MED15: variants seen among roughly 807,000 people sequenced by gnomAD.
MED15 encodes mediator of RNA polymerase II transcription subunit 15.
MED15 carries 41 observed loss-of-function variants against 118.7 expected under a neutral mutation model. The observed-to-expected ratio is 0.35, with a 90% CI of 0.27 to 0.45. The LOEUF is 0.45. MED15 is among the 20% of genes least tolerant of loss of function. The pLI is 1.00. For missense variants in MED15, 740 were observed against 1,025.5 expected, an observed-to-expected ratio of 0.72 and a Z score of 3.80; for synonymous variants, 436 against 413.9, an observed-to-expected ratio of 1.05 and a Z score of -0.65.
At position 20,584,988 on chromosome 22, in the gene MED15, T is replaced by C; in HGVS notation, c.1937T>C (p.Met646Thr). The change falls in exon 15 of 18, where the codon ATG (methionine) becomes ACG (threonine). Residue 646 changes from methionine (M) to threonine (T), a missense_variant. Met to Thr is a moderately conservative substitution (Grantham distance 81, BLOSUM62 -1). This residue lies in a region of MED15 where 179 missense variants were observed against 259.0 expected (regional missense o/e 0.69). Coordinates refer to ENST00000263205, the MANE Select transcript of MED15 (RefSeq NM_001003891.3). ...HSLYRTFVPAMTAIHGPPITA... is the reference protein window; with the variant it reads ...HSLYRTFVPATTAIHGPPITA... ...CTGTACCGCACATTCGTTCCAGCCA[T>C]GACCGCCATTCACGGCCCACCCATC... The C allele has an allele frequency of 6.2e-7, 1 of 1,614,020 alleles. No homozygotes were observed. Among genetic ancestry groups the C allele is most frequent in the Non-Finnish European group, 8.5e-7 (1 of 1,180,016 alleles).
At chr22:20,586,253 C>T (rs747333955) in intron 17 of MED15, among the ~76,000 whole-genome samples, 10 of 152,164 alleles carry the variant, frequency 6.6e-5, no homozygotes, top group Non-Finnish European at 1.3e-4. Flanking sequence ...GAGAGAACCA[C>T]GGTGGCAGGG....
chr22:20,571,917 G>A (rs1233334659), intron 8 of MED15, among the ~76,000 whole-genome samples: 3 of 152,210 alleles, frequency 2.0e-5, no homozygotes, highest in Non-Finnish European at 4.4e-5. Flanking sequence ...CCATAGTCAA[G>A]GTCATGCTAT....
chr22:20,528,220 G>C (rs76622281), intron 1 of MED15, among the ~76,000 whole-genome samples: 1 of 152,128 alleles, frequency 6.6e-6, no homozygotes, highest in African/African-American at 2.4e-5. Context: ...CTTCCAGCAC[G>C]TGGAGCTTGT....
chr22:20,509,575 G>A (rs2053992732), intron 1 of MED15, among the ~76,000 whole-genome samples: 1 of 151,368 alleles, frequency 6.6e-6, no homozygotes. Flanking sequence ...TGACTAACTG[G>A]ATGGAGGGGG....
intron 1 of MED15, among the ~76,000 whole-genome samples, chr22:20,514,419 T>G (rs78093216): frequency 0.012 from 1,902 of 152,332 alleles, 54 homozygotes; most frequent in African/African-American, 0.043. Flanking sequence ...ATCAGCTATT[T>G]TCTTTCAATT....
At position 20,540,995 on chromosome 22, in the gene MED15, G is replaced by A. The variant is rs562750357; in HGVS notation, c.156+3791G>A. Among the ~76,000 whole-genome samples, 8 of 152,224 alleles carry A rather than the reference G, an allele frequency of 5.3e-5. No homozygotes were observed. The South Asian group carries it at 1.0e-3, about 20-fold the overall frequency. On this transcript the variant is annotated intron_variant, in intron 2 of 17. Coordinates refer to ENST00000263205, the MANE Select transcript of MED15 (RefSeq NM_001003891.3). ...TGTAATCCCAGCACTTTGGGAGGCC[G>A]AGGTGGGCAGATCACGAGGTCAGGA...
intron 1 of MED15, among the ~76,000 whole-genome samples, chr22:20,517,826 C>G (rs2054306912): frequency 6.6e-6 from 1 of 151,784 alleles, no homozygotes; most frequent in Non-Finnish European, 1.5e-5. Flanking sequence ...CCAGTCAGCT[C>G]AGCTGGGGGC....
intron 5 of MED15, 49 bp from the exon 6 acceptor site, chr22:20,564,401 T>C (rs774488144): frequency 6.2e-7 from 1 of 1,606,152 alleles, no homozygotes; most frequent in East Asian, 2.2e-5. Flanking sequence ...CTGCAGCGTT[T>C]CTGGGAATCT....
At position 20,566,791 on chromosome 22, in the gene MED15, T is replaced by C. The variant is rs752049319; in HGVS notation, c.1015T>C (p.Leu339=). 3 of 1,614,026 alleles carry C rather than the reference T, an allele frequency of 1.9e-6. No homozygotes were observed. The East Asian group carries it at 6.7e-5, about 36-fold the overall frequency. The change falls in exon 7 of 18, where the codon TTG becomes CTG. Residue 339 remains leucine, a synonymous_variant. Coordinates refer to ENST00000263205, the MANE Select transcript of MED15 (RefSeq NM_001003891.3). ...SQAQALPGQM[L]YTQPPLKFVR... ...GGCGCAAGCTCTCCCTGGACAAATGTTGTATACCCAACCACCACTGAAATT... is the reference window on the plus strand; with the variant it reads ...GGCGCAAGCTCTCCCTGGACAAATGCTGTATACCCAACCACCACTGAAATT...
chr22:20,550,033 C>T (rs1187310698), intron 2 of MED15, among the ~76,000 whole-genome samples: 2 of 152,180 alleles, frequency 1.3e-5, no homozygotes, highest in African/African-American at 2.4e-5. Context: ...TTTAAAGTAT[C>T]GCAGACCTAA....
intron 13 of MED15, 23 bp downstream of exon 13, chr22:20,583,416 G>A (rs765137001): frequency 1.5e-5 from 24 of 1,611,110 alleles, no homozygotes; most frequent in South Asian, 2.2e-5. Flanking sequence ...CACAGCCCAC[G>A]GAGGGTCCAC....
At chr22:20,582,120 G>C (rs1489206417) in intron 9 of MED15, 4 of 201,828 alleles carry the variant, frequency 2.0e-5, no homozygotes, top group Non-Finnish European at 4.0e-5. Context: ...ACAACAGATG[G>C]CTGTAGCCAC....
intron 1 of MED15, among the ~76,000 whole-genome samples, chr22:20,517,507 C>T (rs541701593): frequency 6.6e-6 from 1 of 152,274 alleles, no homozygotes; most frequent in African/African-American, 2.4e-5. Context: ...TTCTGCTGCC[C>T]CCACCACCCT....
intron 5 of MED15, among the ~76,000 whole-genome samples, chr22:20,555,887 A>G (rs1410137342): frequency 6.6e-6 from 1 of 152,080 alleles, no homozygotes; most frequent in Non-Finnish European, 1.5e-5. Context: ...GCGCCCGGCT[A>G]ATATTTTGTA....
intron 2 of MED15, among the ~76,000 whole-genome samples, chr22:20,541,595 T>C (rs1380321388): frequency 6.6e-6 from 1 of 151,334 alleles, no homozygotes; most frequent in East Asian, 1.9e-4. Context: ...GTGATTTTCC[T>C]GCCTCAGCCT....
chr22:20,518,353 A>G (rs1381859112), intron 1 of MED15, among the ~76,000 whole-genome samples: 1 of 151,878 alleles, frequency 6.6e-6, no homozygotes, highest in Non-Finnish European at 1.5e-5. Flanking sequence ...TTTCAGTTTG[A>G]TACTGTCCTT....
intron 8 of MED15, among the ~76,000 whole-genome samples, chr22:20,571,699 G>A (rs906783560): frequency 1.3e-5 from 2 of 152,214 alleles, no homozygotes; most frequent in African/African-American, 4.8e-5. Context: ...GGGAGGGTTG[G>A]GCACAGCAAG....
At position 20,584,876 on chromosome 22, in the gene MED15, G is replaced by T. The variant is rs777986769; in HGVS notation, c.1825G>T (p.Val609Leu). The T allele has an allele frequency of 6.2e-7, 1 of 1,613,006 alleles. No homozygotes were observed. Among genetic ancestry groups the T allele is most frequent in the East Asian group, 2.2e-5 (1 of 44,882 alleles). Residue 609 changes from valine to leucine, a missense_variant, in exon 15 of 18, where the codon GTG (valine) becomes TTG (leucine). Val to Leu is a conservative substitution (Grantham distance 32, BLOSUM62 1). Transcript: ENST00000263205. Reference protein sequence around the residue: ...MAVPTPPPPPVPPTKQQYLCQ... With the variant: ...MAVPTPPPPPLPPTKQQYLCQ... ...CCAGCCCACTCCCCCACCGCCCCCG[G>T]TGCCACCGACCAAACAGCAGTACCT... is the stretch of plus-strand genomic sequence containing the variant.
At chr22:20,522,222 A>G (rs7291930) in intron 1 of MED15, 48,387 of 152,014 alleles carry the variant, frequency 0.32, 8,750 homozygotes, top group African/African-American at 0.5. Context: ...AAGTTAAATA[A>G]AGGACTGGGT....
Sources: allele counts gnomAD v4.1 joint callset (sites outside exome capture counted in the v4.1 genomes callset), GRCh38; gene constraint gnomAD v4.1.1; regional missense constraint gnomAD v4.1.1; transcripts MANE v1.5; gene names NCBI Gene and HGNC (gene_info 2026-07-23, HGNC 2026-07-21).